Variants in BNIP1 observed in about 807,000 individuals in gnomAD.
BNIP1 encodes the protein vesicle transport protein SEC20.
BNIP1 carries 25 observed loss-of-function variants against 28.5 expected under a neutral mutation model. The observed-to-expected ratio is 0.88, with a 90% CI of 0.64 to 1.23. The LOEUF (loss-of-function observed/expected upper bound fraction) is 1.23, where lower values mean the gene tolerates loss of function less well. BNIP1 is among the 50% of genes most tolerant of loss of function. BNIP1 has a pLI of 0.00. For synonymous variants in BNIP1, 118 were observed against 101.7 expected (o/e 1.16, Z -0.96); for missense variants, 276 against 277.0 (o/e 1.00, Z 0.02).
chr5:173,153,949 T>C (rs5745136), intron 2 of BNIP1, among the ~76,000 whole-genome samples: 2,488 of 152,318 alleles, frequency 0.016, 31 homozygotes, highest in South Asian at 0.073. Flanking sequence ...AGCAGTTTGA[T>C]ATTTTAATGA....
At chr5:173,144,687 CTG>C in intron 1 of BNIP1, 58 bp downstream of exon 1, 1 of 1,562,822 alleles carries the variant, frequency 6.4e-7, no homozygotes, top group Non-Finnish European at 8.8e-7. Context: ...CTCTGCTGGT[CTG>C]TGAGCTTGGC....
intron 5 of BNIP1, among the ~76,000 whole-genome samples, chr5:173,162,349 C>T (rs949012361): frequency 1.3e-5 from 2 of 152,104 alleles, no homozygotes; most frequent in African/African-American, 2.4e-5. Context: ...TTTGGCCAGG[C>T]GCGGTGGCTC....
intron 2 of BNIP1, among the ~76,000 whole-genome samples, chr5:173,150,856 A>C (rs1452496756): frequency 6.7e-6 from 1 of 149,766 alleles, no homozygotes; most frequent in Non-Finnish European, 1.5e-5. Context: ...GTTTTTTTTT[A>C]AGACGGAGTC....
chr5:173,154,451 CTCT>C (rs1489046689), intron 3 of BNIP1, 38 bp downstream of exon 3: 1 of 1,542,970 alleles, frequency 6.5e-7, no homozygotes, highest in African/African-American at 1.4e-5. Flanking sequence ...CTTCTGCTGG[CTCT>C]TCTTGTTGCC....
At chr5:173,160,277 C>T (rs1760325919) in intron 5 of BNIP1, among the ~76,000 whole-genome samples, 1 of 149,774 alleles carries the variant, frequency 6.7e-6, no homozygotes, top group African/African-American at 2.4e-5. Context: ...TCTTGTTGCC[C>T]AGGTTGGAGT....
At chr5:173,149,707 T>G (rs1759959238) in intron 2 of BNIP1, among the ~76,000 whole-genome samples, 1 of 152,156 alleles carries the variant, frequency 6.6e-6, no homozygotes, top group Non-Finnish European at 1.5e-5. Context: ...CAGTATCTGC[T>G]TCTGGGGAGG....
At chr5:173,144,715 C>G in intron 1 of BNIP1, 86 bp downstream of exon 1, 1 of 1,410,760 alleles carries the variant, frequency 7.1e-7, no homozygotes, top group Non-Finnish European at 9.8e-7. Context: ...CACTCCCGAA[C>G]TTTCCCCACT....
At chr5:173,159,901 T>A (rs1194950913) in intron 4 of BNIP1, 32 bp from the exon 5 acceptor site, 1 of 1,591,324 alleles carries the variant, frequency 6.3e-7, no homozygotes. Context: ...TTTGTTGACA[T>A]TCCTCCCCTT....
At chr5:173,148,078 AAAAAAATATATATAT>A (rs1759897491) in intron 2 of BNIP1, among the ~76,000 whole-genome samples, 1 of 46,814 alleles carries the variant, frequency 2.1e-5, no homozygotes. Context: ...AAAAAAAAAA[AAAAAAATATATATAT>A]ATATATATAT....
At chr5:173,160,742 G>A (rs1040102073) in intron 5 of BNIP1, 7 of 451,036 alleles carry the variant, frequency 1.6e-5, no homozygotes, top group Non-Finnish European at 3.1e-5. Context: ...TGCTCCAAGA[G>A]ATGTTTGGCG....
intron 1 of BNIP1, among the ~76,000 whole-genome samples, chr5:173,145,248 C>T (rs1333117222): frequency 6.6e-6 from 1 of 152,082 alleles, no homozygotes; most frequent in East Asian, 1.9e-4. Context: ...AGAGTGTTAC[C>T]CCGTTTGAAC....
chr5:173,157,875 C>T (rs1379577950), intron 3 of BNIP1, among the ~76,000 whole-genome samples: 2 of 151,436 alleles, frequency 1.3e-5, no homozygotes, highest in African/African-American at 4.9e-5. Context: ...GAAAGAACAA[C>T]AAACCTTGAA....
intron 2 of BNIP1, among the ~76,000 whole-genome samples, chr5:173,147,906 T>C (rs2113837059): frequency 6.7e-6 from 1 of 150,008 alleles, no homozygotes; most frequent in African/African-American, 2.5e-5. Flanking sequence ...CTCTGATAAA[T>C]GCAAAAATTA....
intron 2 of BNIP1, among the ~76,000 whole-genome samples, chr5:173,152,182 G>T (rs776943024): frequency 6.6e-6 from 1 of 152,154 alleles, no homozygotes; most frequent in Non-Finnish European, 1.5e-5. Context: ...AGAACTTCCA[G>T]GCAATCTTTC....
chr5:173,152,046 C>A (rs1760038718), intron 2 of BNIP1, among the ~76,000 whole-genome samples: 3 of 152,180 alleles, frequency 2.0e-5, no homozygotes, highest in Admixed American at 6.5e-5. Flanking sequence ...CATGGTGAAT[C>A]TTGGGCACTG....
intron 5 of BNIP1, among the ~76,000 whole-genome samples, chr5:173,162,613 AG>A (rs1760395515): frequency 6.6e-6 from 1 of 151,902 alleles, no homozygotes; most frequent in South Asian, 2.1e-4. Flanking sequence ...TGGGTGACAG[AG>A]TGAGACTGCA....
At chr5:173,158,874 C>T (rs200835671) in intron 4 of BNIP1, 29 bp downstream of exon 4, 29 of 1,559,454 alleles carry the variant, frequency 1.9e-5, no homozygotes, top group Middle Eastern at 3.4e-4. Context: ...TTCTGGGCTC[C>T]GATAATAATA....
chr5:173,151,712 C>G (rs2113844996), intron 2 of BNIP1: 1 of 1,611,874 alleles, frequency 6.2e-7, no homozygotes, highest in Non-Finnish European at 8.5e-7. Flanking sequence ...TTTGTATGTT[C>G]TTTTTAAACA....
At chr5:173,150,681 C>T (rs1342136320) in intron 2 of BNIP1, among the ~76,000 whole-genome samples, 1 of 152,126 alleles carries the variant, frequency 6.6e-6, no homozygotes, top group African/African-American at 2.4e-5. Context: ...TTCCACTCTT[C>T]CAAACAGGTA....
Sources: gnomAD v4.1 joint callset for allele counts (sites outside exome capture counted in the v4.1 genomes callset) on GRCh38, gnomAD v4.1.1 for gene constraint, MANE v1.5 for transcripts, NCBI Gene and HGNC (gene_info 2026-07-23, HGNC 2026-07-21) for gene names.